Variants in GALNT13 observed in about 807,000 individuals in gnomAD.
GALNT13 encodes UDP-GalNAc:polypeptide N-acetylgalactosaminyltransferase 13.
A neutral mutation model predicts 64.2 loss-of-function variants in GALNT13; 28 were observed. The ratio of observed to expected loss-of-function variants is 0.44; its 90% CI spans 0.32 to 0.60. The LOEUF is 0.60. Among genes scored for constraint, GALNT13 ranks in the 20% least tolerant of loss-of-function variants. GALNT13 has a pLI of 0.05. For missense variants in GALNT13, 577 were observed against 669.8 expected, an observed-to-expected ratio of 0.86 and a Z score of 1.53; for synonymous variants, 214 against 224.6, an observed-to-expected ratio of 0.95 and a Z score of 0.42.
the GALNT13 span, among the ~76,000 whole-genome samples, chr2:153,179,595 G>A: frequency 1.8e-4 from 27 of 152,190 alleles, no homozygotes; most frequent in East Asian, 2.1e-3. Context: ...GAAAAATGAC[G>A]TTGAAATTTT....
the GALNT13 span, among the ~76,000 whole-genome samples, chr2:153,667,909 C>T: frequency 2.0e-5 from 3 of 151,596 alleles, no homozygotes; most frequent in African/African-American, 7.3e-5. Flanking sequence ...ACCTGTAGGC[C>T]CAAAATAAAG....
At chr2:153,844,991 A>G in the GALNT13 span, among the ~76,000 whole-genome samples, 4 of 152,240 alleles carry the variant, frequency 2.6e-5, no homozygotes, top group East Asian at 7.8e-4. Flanking sequence ...TGACAATGTT[A>G]TTGTCAGCAT....
chr2:153,910,258 T>C (rs1401896477), intron 2 of GALNT13, among the ~76,000 whole-genome samples: 1 of 152,152 alleles, frequency 6.6e-6, no homozygotes, highest in Non-Finnish European at 1.5e-5. Context: ...GATGGTTATA[T>C]ATGTGTGTTT....
chr2:154,125,866 T>A (rs983663472), intron 3 of GALNT13, among the ~76,000 whole-genome samples: 1 of 152,158 alleles, frequency 6.6e-6, no homozygotes, highest in East Asian at 1.9e-4. Flanking sequence ...TGCTTTAAAG[T>A]CCCAGGAAAA....
chr2:153,269,905 G>A, the GALNT13 span, among the ~76,000 whole-genome samples: 283 of 152,152 alleles, frequency 1.9e-3, no homozygotes, highest in African/African-American at 6.6e-3. Flanking sequence ...AACAGTATGG[G>A]GGAAACTCCC....
chr2:153,821,162 ACTGC>A, the GALNT13 span, among the ~76,000 whole-genome samples: 1 of 152,188 alleles, frequency 6.6e-6, no homozygotes, highest in African/African-American at 2.4e-5. Context: ...TCAGCACCCT[ACTGC>A]CAGCATTAGA....
intron 9 of GALNT13, among the ~76,000 whole-genome samples, chr2:154,368,480 G>A (rs1026474815): frequency 4.6e-5 from 7 of 152,232 alleles, no homozygotes; most frequent in African/African-American, 7.2e-5. Context: ...AAATGTCTCC[G>A]TAATATTACC....
At chr2:153,455,787 G>A in the GALNT13 span, among the ~76,000 whole-genome samples, 4 of 152,248 alleles carry the variant, frequency 2.6e-5, no homozygotes, top group South Asian at 8.3e-4. Context: ...GGCCAGTGTG[G>A]CAGCCTTTTG....
chr2:153,859,647 G>C, the GALNT13 span, among the ~76,000 whole-genome samples: 3 of 152,052 alleles, frequency 2.0e-5, no homozygotes, highest in Non-Finnish European at 2.9e-5. Flanking sequence ...AATATTAGGA[G>C]GAAAAAAGCA....
the GALNT13 span, among the ~76,000 whole-genome samples, chr2:153,836,118 G>A: frequency 6.6e-6 from 1 of 152,136 alleles, no homozygotes; most frequent in Non-Finnish European, 1.5e-5. Flanking sequence ...TGGAAAAGAT[G>A]CAATCTCAGC....
upstream of GALNT13, among the ~76,000 whole-genome samples, chr2:153,870,306 C>G (rs1483621860): frequency 6.6e-6 from 1 of 152,090 alleles, no homozygotes; most frequent in African/African-American, 2.4e-5. Context: ...ACAAAGACTG[C>G]AAAATGGAAT....
chr2:154,330,231 C>A (rs367938762), intron 9 of GALNT13, among the ~76,000 whole-genome samples: 1 of 152,070 alleles, frequency 6.6e-6, no homozygotes, highest in South Asian at 2.1e-4. Flanking sequence ...CACATGTTTT[C>A]TAACCACAAG....
rs139576998 is a variant in GALNT13 at position 154,177,579 on chromosome 2, T to C, written c.311+37074T>C. On this transcript the variant is annotated intron_variant, in intron 4 of 12. Transcript: ENST00000392825. ...TTGTAAACTATGGACTTTATAATAATGCATCACTATTGGCTCAACCATTGT... is the reference window on the plus strand; with the variant it reads ...TTGTAAACTATGGACTTTATAATAACGCATCACTATTGGCTCAACCATTGT... Among the ~76,000 whole-genome samples the C allele has an allele frequency of 8.1e-4, 124 of 152,158 alleles. 2 individuals are homozygous for C. In the East Asian group the frequency reaches 0.019, roughly 24 times the overall value.
In GALNT13 at chr2:154,354,618, T is replaced by TTTC. The variant is rs34383148; in HGVS notation, c.1157-41371_1157-41370insCTT. On this transcript the variant is annotated intron_variant, in intron 9 of 12. Coordinates refer to ENST00000392825, the MANE Select transcript of GALNT13 (RefSeq NM_052917.4). The stretch of plus-strand genomic sequence containing the variant: ...GTGTGAAATGGTGGTTCAATCTCAC[T>TTTC]TTTTTTTTTTTTGAATGTGGAAACT... 9.6e-3 allele frequency among the ~76,000 whole-genome samples: 917 copies of TTTC among 95,754 alleles called. 9 individuals are homozygous for TTTC. Among genetic ancestry groups the TTTC allele is most frequent in the Non-Finnish European group, 0.013 (511 of 40,150 alleles). 62.8% of individuals were successfully genotyped at this position (95,754 alleles called of 152,430 possible).
At chr2:154,348,654 C>T (rs912618786) in intron 9 of GALNT13, among the ~76,000 whole-genome samples, 2 of 151,954 alleles carry the variant, frequency 1.3e-5, no homozygotes, top group Non-Finnish European at 2.9e-5. Context: ...CTATCACTTG[C>T]TTCCCAAAGG....
chr2:154,084,792 G>A (rs141342077), intron 3 of GALNT13, among the ~76,000 whole-genome samples: 2,427 of 151,918 alleles, frequency 0.016, 53 homozygotes, highest in African/African-American at 0.054. Flanking sequence ...CCAATCCTTA[G>A]TGACATTGTA....
chr2:154,372,167 T>C (rs1697730902), intron 9 of GALNT13, among the ~76,000 whole-genome samples: 1 of 152,118 alleles, frequency 6.6e-6, no homozygotes, highest in Admixed American at 6.5e-5. Context: ...GTAAAGAAGT[T>C]ACCTGGATTT....
chr2:153,899,933 ATATTT>A (rs1388819749), intron 1 of GALNT13, among the ~76,000 whole-genome samples: 23 of 86,358 alleles, frequency 2.7e-4, no homozygotes, highest in East Asian at 1.1e-3. Flanking sequence ...ATATATATAT[ATATTT>A]TTTTTTTTTT....
the GALNT13 span, among the ~76,000 whole-genome samples, chr2:153,537,750 TC>T: frequency 6.6e-6 from 1 of 152,088 alleles, no homozygotes; most frequent in Admixed American, 6.5e-5. Flanking sequence ...AAGGCGATTT[TC>T]CCCCTTCACT....
Sources: allele counts gnomAD v4.1 joint callset (sites outside exome capture counted in the v4.1 genomes callset), GRCh38; gene constraint gnomAD v4.1.1; transcripts MANE v1.5; gene names NCBI Gene and HGNC (gene_info 2026-07-23, HGNC 2026-07-21).